Variants in SAG observed in about 807,000 individuals in gnomAD.
SAG encodes S-antigen visual arrestin.
Under a neutral mutation model 55.0 loss-of-function variants are expected in SAG, and 45 were observed. That is an observed-to-expected ratio of 0.82 (90% CI 0.64 to 1.05). The LOEUF (loss-of-function observed/expected upper bound fraction) is 1.05. Ranked by LOEUF, SAG falls within the 50% of genes least tolerant of loss-of-function variation. The probability of loss-of-function intolerance (pLI) is 0.00; values close to 1 mark genes in which losing one functional copy is unlikely to be tolerated. For synonymous variants in SAG, 189 were observed against 197.4 expected (o/e 0.96, Z 0.36); for missense variants, 455 against 512.1 (o/e 0.89, Z 1.08).
At position 233,335,003 on chromosome 2, in the gene SAG, CG is replaced by C; in HGVS notation, c.849del (p.Leu284CysfsTer37). ...PPNSTLTKTLTLLPLLANNRE... is the reference protein window; with the variant it reads ...PPNSTLTKTLXLLPLLANNRE... Reference sequence around the variant, plus strand: ...AACAGCACTTTGACCAAGACGCTGACGCTGCTGCCCTTGCTGGCTAACAATC... The same window carrying C: ...AACAGCACTTTGACCAAGACGCTGACCTGCTGCCCTTGCTGGCTAACAATC... On this transcript the variant is annotated frameshift_variant, in exon 11 of 16. Coordinates refer to ENST00000409110, the MANE Select transcript of SAG (RefSeq NM_000541.5). LOFTEE classifies it high-confidence loss of function. The C allele has an allele frequency of 1.9e-6, 3 of 1,614,008 alleles. No homozygotes were observed. The highest frequency in any genetic ancestry group is 2.5e-6 in the Non-Finnish European group (3 of 1,179,862).
At chr2:233,331,403 C>T (rs773038058) in intron 9 of SAG, 27 of 572,840 alleles carry the variant, frequency 4.7e-5, no homozygotes, top group Non-Finnish European at 7.4e-5. Context: ...GAGCTGCAGC[C>T]TTAGGGGACA....
At chr2:233,320,344 G>A (rs1574933850) in intron 4 of SAG, among the ~76,000 whole-genome samples, 1 of 152,342 alleles carries the variant, frequency 6.6e-6, no homozygotes, top group South Asian at 2.1e-4. Flanking sequence ...GGGGCGGGCA[G>A]GATGGAGGGG....
rs1448374338 is a variant in SAG, at chr2:233,323,005, G to C, written c.435G>C (p.Lys145Asn). Residue 145 changes from lysine to asparagine, a missense_variant and splice_region_variant, in exon 6 of 16, where the codon AAG becomes AAC. Transcript: ENST00000409110. ...MLQPAPQDSG[K>N]SCGVDFEVKA... is the part of the protein sequence containing the mutation. ...AGCCAGCTCCACAAGATTCAGGGAA[G>C]GTTAGTTCAAGAAGAAATGCCATGG... 5.1e-6 allele frequency: 8 copies of C among 1,558,026 alleles called. No homozygotes were observed. The highest frequency in any genetic ancestry group is 7.0e-6 in the Non-Finnish European group (8 of 1,142,706).
chr2:233,346,739 A>G lies in SAG; in HGVS notation c.1113-68A>G, dbSNP rs1701263430. The G allele has an allele frequency of 3.7e-6, 4 of 1,080,528 alleles. No homozygotes were observed. The Admixed American group carries it at 7.9e-5, about 21-fold the overall frequency. The allele number at this position is 1,080,528 out of a possible 1,614,324, so 66.9% of individuals were successfully genotyped here. A position where few individuals can be genotyped will look rare whatever the true frequency, so the allele number is the denominator to read the frequency against. Reference sequence around the variant, plus strand: ...TCAGTTCCTTCGTTGCAAAAAGATCAAGGATCTTGTTTCAGTTTCAGCTTC... The same window carrying G: ...TCAGTTCCTTCGTTGCAAAAAGATCGAGGATCTTGTTTCAGTTTCAGCTTC... On this transcript the variant is annotated intron_variant, in intron 15 of 15. Coordinates refer to ENST00000409110, the MANE Select transcript of SAG (RefSeq NM_000541.5).
chr2:233,340,459 C>T lies in SAG; in HGVS notation c.1027C>T (p.Leu343=), dbSNP rs774717730. 1.2e-6 allele frequency: 2 copies of T among 1,611,136 alleles called. No individual in the cohort carries two copies. The highest frequency in any genetic ancestry group is 4.5e-5 in the East Asian group (2 of 44,840). The change falls in exon 13 of 16, where the codon CTG becomes TTG. Residue 343 remains leucine (L), a synonymous_variant. Transcript: ENST00000409110. This position sits in a 1 kb window ranked among gnomAD's most constrained non-coding sequence, Gnocchi z 4.2. Reference sequence around the variant, plus strand: ...GCGTTTGTTTGTGTTTTCTAGCTTTCTGGGAGAGCTCACCTCCAGGTAAGC... The same window carrying T: ...GCGTTTGTTTGTGTTTTCTAGCTTTTTGGGAGAGCTCACCTCCAGGTAAGC... ...IKVKLTVSGF[L]GELTSSEVAT...
Position 233,318,736 on chromosome 2 carries a change from C to T in SAG, c.137-15C>T. The T allele has an allele frequency of 6.2e-7, 1 of 1,612,842 alleles. No individual in the cohort carries two copies. Among genetic ancestry groups the T allele is most frequent in the Non-Finnish European group, 8.5e-7 (1 of 1,178,844 alleles). Reference sequence around the variant, plus strand: ...TCTTCTCCACCCTCACTGCTCTCTCCCTCTTTTGCCTTAGATGGTGTCGTG... The same window carrying T: ...TCTTCTCCACCCTCACTGCTCTCTCTCTCTTTTGCCTTAGATGGTGTCGTG... On this transcript the variant is annotated splice_polypyrimidine_tract_variant and intron_variant, in intron 3 of 15. Transcript: ENST00000409110.
At chr2:233,343,282 C>A (rs1701161149) in intron 14 of SAG, 1 of 155,018 alleles carries the variant, frequency 6.5e-6, no homozygotes, top group Admixed American at 6.5e-5. Flanking sequence ...GGGGTTTCGC[C>A]ATGTCGGCCA....
In SAG at chr2:233,327,532, CCA is replaced by C. The variant is rs386656344; in HGVS notation, c.512+337_512+338del. On this transcript the variant is annotated intron_variant, in intron 7 of 15. Coordinates refer to ENST00000409110, the MANE Select transcript of SAG (RefSeq NM_000541.5). The stretch of plus-strand genomic sequence containing the variant: ...CACAACATGAAGTTTGCCATTTTAA[CCA>C]CTTTTTTTTCTTTTTTTCTTTTATT... 658 of 202,688 alleles carry C rather than the reference CCA, an allele frequency of 3.2e-3. 2 individuals carry two copies. Among genetic ancestry groups the C allele is most frequent in the African/African-American group, 0.014 (607 of 42,584 alleles). The allele number at this position is 202,688 out of a possible 1,614,324, so 12.6% of individuals were successfully genotyped here.
At position 233,313,892 on chromosome 2, in the gene SAG, G is replaced by C. The variant is rs78386595; in HGVS notation, c.76-2183G>C. 2.6e-5 allele frequency among the ~76,000 whole-genome samples: 4 copies of C among 151,170 alleles called. No homozygotes were observed. The East Asian group carries it at 8.0e-4, about 30-fold the overall frequency. On this transcript the variant is annotated intron_variant, in intron 2 of 15. Coordinates refer to ENST00000409110, the MANE Select transcript of SAG (RefSeq NM_000541.5). ...CAGAGGAGAGTTTTTAAAAGGGGCT[G>C]TTTGCTAGGGTGTAGGCAGGTGTGA... is the stretch of plus-strand genomic sequence containing the variant.
chr2:233,314,546 GT>G (rs1371976161), intron 2 of SAG, among the ~76,000 whole-genome samples: 1 of 152,228 alleles, frequency 6.6e-6, no homozygotes, highest in African/African-American at 2.4e-5. Flanking sequence ...CACCCACAGT[GT>G]TTAGGAAGCT....
intron 6 of SAG, among the ~76,000 whole-genome samples, chr2:233,325,274 C>A (rs1700514646): frequency 6.7e-6 from 1 of 148,834 alleles, no homozygotes; most frequent in Non-Finnish European, 1.5e-5. Context: ...GAGAATCACT[C>A]AAACTTGGGA....
intron 6 of SAG, among the ~76,000 whole-genome samples, chr2:233,325,734 T>C (rs1700532044): frequency 6.6e-6 from 1 of 152,178 alleles, no homozygotes; most frequent in Non-Finnish European, 1.5e-5. Context: ...TTTTCTGTTC[T>C]AGGAGAGGAG....
chr2:233,318,799 A>C lies in SAG; in HGVS notation c.181+4A>C. 6.2e-7 allele frequency: 1 copy of C among 1,613,306 alleles called. No individual in the cohort carries two copies. The highest frequency in any genetic ancestry group is 8.5e-7 in the Non-Finnish European group (1 of 1,179,328). On this transcript the variant is annotated splice_donor_region_variant and intron_variant, in intron 4 of 15. Transcript: ENST00000409110. ...GATCTTGTGAAGGGAAAGAAAGGTGAGATGAAGCCCCTTGTCTCAGGCTGG... is the reference window on the plus strand; with the variant it reads ...GATCTTGTGAAGGGAAAGAAAGGTGCGATGAAGCCCCTTGTCTCAGGCTGG...
intron 2 of SAG, 79 bp from the exon 3 acceptor site, chr2:233,315,996 G>A (rs546974741): frequency 3.1e-5 from 26 of 846,988 alleles, no homozygotes; most frequent in South Asian, 4.4e-5. Context: ...CACCGCGCCC[G>A]GGCTGCTGCT....
At position 233,311,006 on chromosome 2, in the gene SAG, A is replaced by G. The variant is rs569286614; in HGVS notation, c.75+1742A>G. Among the ~76,000 whole-genome samples the G allele has an allele frequency of 1.3e-4, 20 of 152,040 alleles. No individual in the cohort carries two copies. The South Asian group carries it at 3.7e-3, about 28-fold the overall frequency. ...AAGTTGTATCTTTCCAGTCCATTTT[A>G]TCTCAACTTCTGGCTGAAGAGGAAA... On this transcript the variant is annotated intron_variant, in intron 2 of 15. Transcript: ENST00000409110.
Position 233,343,447 on chromosome 2 carries a change from T to G in SAG, c.1102+1121T>G, listed in dbSNP as rs1465447937. ...ATACAGAAAATACTAGAAAAGAGGG[T>G]CAGGCTGGGTTCCTGACACCTCAGC... On this transcript the variant is annotated intron_variant, in intron 14 of 15. Transcript: ENST00000409110. 7 of 214,086 alleles carry G rather than the reference T, an allele frequency of 3.3e-5. No homozygotes were observed. In the East Asian group the frequency reaches 8.0e-4, roughly 24 times the overall value. 13.3% of individuals were successfully genotyped at this position (214,086 alleles called of 1,614,324 possible). A position where few individuals can be genotyped will look rare whatever the true frequency, so the allele number is the denominator to read the frequency against.
In SAG at chr2:233,319,516, T is replaced by C. The variant is rs1700316283; in HGVS notation, c.181+721T>C. 1 of 889,050 alleles carries C rather than the reference T, an allele frequency of 1.1e-6. No individual in the cohort carries two copies. The allele number at this position is 889,050 out of a possible 1,614,324, so 55.1% of individuals were successfully genotyped here. A position where few individuals can be genotyped will look rare whatever the true frequency, so the allele number is the denominator to read the frequency against. Reference sequence around the variant, plus strand: ...AATATGCCTTTTTGAGTGTTGCTACTGGCAACATCAAGGAATTGTTCAGAA... The same window carrying C: ...AATATGCCTTTTTGAGTGTTGCTACCGGCAACATCAAGGAATTGTTCAGAA... On this transcript the variant is annotated intron_variant, in intron 4 of 15. Coordinates refer to ENST00000409110, the MANE Select transcript of SAG (RefSeq NM_000541.5). This position sits in a 1 kb window ranked among gnomAD's most constrained non-coding sequence, Gnocchi z 4.4.
intron 2 of SAG, among the ~76,000 whole-genome samples, chr2:233,311,031 A>G (rs548623082): frequency 1.3e-5 from 2 of 152,258 alleles, no homozygotes; most frequent in South Asian, 2.1e-4. Context: ...TGAAGAGGAA[A>G]CCACTCGTGT....
chr2:233,346,306 G>A, intron 14 of SAG, 97 bp from the exon 15 acceptor site: 1 of 1,326,872 alleles, frequency 7.5e-7, no homozygotes, highest in South Asian at 1.2e-5. Flanking sequence ...TCACCTAAAA[G>A]GTAGACATTT....
Sources: allele counts gnomAD v4.1 joint callset (sites outside exome capture counted in the v4.1 genomes callset), GRCh38; gene constraint gnomAD v4.1.1; non-coding constraint Gnocchi (gnomAD v3.1); transcripts MANE v1.5; gene names NCBI Gene and HGNC (gene_info 2026-07-23, HGNC 2026-07-21).